Variants in PRKAR1B observed in about 807,000 individuals in gnomAD.
PRKAR1B encodes the protein protein kinase cAMP-dependent type I regulatory subunit beta.
Under a neutral mutation model 46.5 loss-of-function variants are expected in PRKAR1B, and 22 were observed. The ratio of observed to expected loss-of-function variants is 0.47; its 90% CI spans 0.34 to 0.68. The LOEUF is 0.68. PRKAR1B is among the 30% of genes least tolerant of loss of function. The pLI is 0.01. For synonymous variants in PRKAR1B, 259 were observed against 217.7 expected (o/e 1.19, Z -1.67); for missense variants, 445 against 535.6 (o/e 0.83, Z 1.67).
chr7:678,646 G>A (rs1206490515), intron 3 of PRKAR1B, among the ~76,000 whole-genome samples: 1 of 152,252 alleles, frequency 6.6e-6, no homozygotes, highest in Non-Finnish European at 1.5e-5. Context: ...GGGCCACCCA[G>A]GAAGTCCCTG....
chr7:705,764 C>A (rs1426352088), intron 2 of PRKAR1B, among the ~76,000 whole-genome samples: 1 of 152,148 alleles, frequency 6.6e-6, no homozygotes, highest in African/African-American at 2.4e-5. Context: ...CTGTGGCTCA[C>A]GTCTCTAATC....
chr7:685,751 G>T (rs1047076614), intron 2 of PRKAR1B, among the ~76,000 whole-genome samples: 17 of 151,888 alleles, frequency 1.1e-4, no homozygotes, highest in African/African-American at 4.1e-4. Flanking sequence ...TTTCAACCTA[G>T]ACTTTTATAC....
chr7:635,620 A>C (rs1296331659), intron 4 of PRKAR1B, among the ~76,000 whole-genome samples: 1 of 152,128 alleles, frequency 6.6e-6, no homozygotes, highest in Non-Finnish European at 1.5e-5. Context: ...GCTGCCTCCC[A>C]GGCCCTCCCA....
intron 4 of PRKAR1B, among the ~76,000 whole-genome samples, chr7:676,715 C>T (rs1040023854): frequency 1.3e-5 from 2 of 152,190 alleles, no homozygotes; most frequent in African/African-American, 4.8e-5. Context: ...CTTCTCCTGG[C>T]GCCGAGCGTT....
chr7:562,070 C>T (rs1778839030), intron 9 of PRKAR1B: 1 of 152,374 alleles, frequency 6.6e-6, no homozygotes, highest in Non-Finnish European at 1.5e-5. Flanking sequence ...GCTGCGCCAG[C>T]AACCACGGTT....
chr7:601,001 T>G (rs973910299), intron 6 of PRKAR1B, among the ~76,000 whole-genome samples: 4 of 152,350 alleles, frequency 2.6e-5, no homozygotes, highest in Admixed American at 2.0e-4. Context: ...CTTGGCATTT[T>G]GTCACCTGGC....
At chr7:617,907 T>A (rs747941373) in intron 4 of PRKAR1B, among the ~76,000 whole-genome samples, 1 of 152,184 alleles carries the variant, frequency 6.6e-6, no homozygotes, top group South Asian at 2.1e-4. Flanking sequence ...ACCCCGCCCC[T>A]GCACAGACAC....
At chr7:663,728 G>C (rs986077117) in intron 4 of PRKAR1B, among the ~76,000 whole-genome samples, 12 of 152,114 alleles carry the variant, frequency 7.9e-5, no homozygotes, top group African/African-American at 2.9e-4. Context: ...TCCTCACCTG[G>C]AACTTGGGGA....
rs538488957 is a variant in PRKAR1B, at chr7:577,235, T to C, written c.891+2021A>G. On this transcript the variant is annotated intron_variant, in intron 9 of 10. Transcript: ENST00000537384. ...AAGTTGCCAAACATCCACTGGGACT[T>C]GAGCTCTTTGCTGACCTCCTGTTTC... Among the ~76,000 whole-genome samples the C allele has an allele frequency of 3.3e-5, 5 of 152,360 alleles. No homozygotes were observed. In the East Asian group the frequency reaches 9.6e-4, roughly 29 times the overall value.
At chr7:576,331 C>T (rs770860060) in intron 9 of PRKAR1B, among the ~76,000 whole-genome samples, 21 of 152,326 alleles carry the variant, frequency 1.4e-4, no homozygotes, top group Admixed American at 3.3e-4. Context: ...ATCACTTGGG[C>T]TGCCTGTGGT....
At chr7:567,818 A>G (rs1469432168) in intron 9 of PRKAR1B, among the ~76,000 whole-genome samples, 1 of 151,442 alleles carries the variant, frequency 6.6e-6, no homozygotes, top group African/African-American at 2.4e-5. Flanking sequence ...CAGGCAGTAG[A>G]GTTCAAACTC....
intron 9 of PRKAR1B, among the ~76,000 whole-genome samples, chr7:564,660 C>T (rs942610761): frequency 4.6e-5 from 7 of 152,216 alleles, no homozygotes; most frequent in South Asian, 2.1e-4. Context: ...TCCCCAGAAA[C>T]TGCCCAGGGC....
At chr7:632,162 A>C (rs1306963117) in intron 4 of PRKAR1B, among the ~76,000 whole-genome samples, 3 of 152,144 alleles carry the variant, frequency 2.0e-5, no homozygotes, top group African/African-American at 7.2e-5. Context: ...AAGGTCTGTT[A>C]TCTCTCTCTG....
chr7:660,722 T>C (rs1785481416), intron 4 of PRKAR1B, among the ~76,000 whole-genome samples: 1 of 95,492 alleles, frequency 1.0e-5, no homozygotes, highest in Non-Finnish European at 2.0e-5. Context: ...CTCCCCTCCA[T>C]GGCACAGGTC....
intron 2 of PRKAR1B, among the ~76,000 whole-genome samples, chr7:690,126 G>A (rs973074618): frequency 9.9e-5 from 15 of 151,850 alleles, no homozygotes; most frequent in Non-Finnish European, 1.5e-4. Context: ...GTGAAACCCC[G>A]TCTCTACTAA....
chr7:673,543 G>T (rs1786407170), intron 4 of PRKAR1B, among the ~76,000 whole-genome samples: 2 of 151,762 alleles, frequency 1.3e-5, no homozygotes, highest in African/African-American at 4.9e-5. Context: ...CAGCTACCTG[G>T]GAGGCTGAGG....
Position 714,441 on chromosome 7 carries a change from C to A in PRKAR1B, c.-22-2914G>T, listed in dbSNP as rs1780802914. Among the ~76,000 whole-genome samples, 2 of 152,236 alleles carry A rather than the reference C, an allele frequency of 1.3e-5. No individual in the cohort carries two copies. Among genetic ancestry groups the A allele is most frequent in the Admixed American group, 6.5e-5 (1 of 15,284 alleles). On this transcript the variant is annotated intron_variant, in intron 1 of 10. Transcript: ENST00000537384. The surrounding 1 kb of genome is among the most constrained non-coding windows in gnomAD (Gnocchi z 4.3). ...ATCTCCCAGGTTTGGGGGCTGGCAG[C>A]ATGCACGTGGCCAGCCAGACATGCG... is the stretch of plus-strand genomic sequence containing the variant.
chr7:726,136 CCT>C (rs1018192941), intron 1 of PRKAR1B, among the ~76,000 whole-genome samples: 8 of 152,086 alleles, frequency 5.3e-5, no homozygotes, highest in Admixed American at 2.6e-4. Flanking sequence ...TTGCAATTCC[CCT>C]GTCTTGATAA....
At chr7:642,192 AC>A (rs1400758092) in intron 4 of PRKAR1B, among the ~76,000 whole-genome samples, 1 of 152,078 alleles carries the variant, frequency 6.6e-6, no homozygotes, top group Non-Finnish European at 1.5e-5. Context: ...CACCGCACCC[AC>A]CCGACTCCGT....
Sources: gnomAD v4.1 joint callset for allele counts (sites outside exome capture counted in the v4.1 genomes callset) on GRCh38, gnomAD v4.1.1 for gene constraint, Gnocchi (gnomAD v3.1) non-coding constraint, MANE v1.5 for transcripts, NCBI Gene and HGNC (gene_info 2026-07-23, HGNC 2026-07-21) for gene names.